Variants in NAF1 observed in about 807,000 individuals in gnomAD.
NAF1 encodes the protein nuclear assembly factor 1 ribonucleoprotein.
In NAF1, 11 loss-of-function variants were observed where a neutral mutation model predicts 40.6. The ratio of observed to expected loss-of-function variants is 0.27; its 90% confidence interval spans 0.17 to 0.45. NAF1 has a LOEUF of 0.45. NAF1 is among the 20% of genes least tolerant of loss of function. The pLI is 1.00. For missense variants in NAF1, 607 were observed against 611.1 expected, an observed-to-expected ratio of 0.99 and a Z score of 0.07; for synonymous variants, 260 against 228.5, an observed-to-expected ratio of 1.14 and a Z score of -1.24.
chr4:163,121,584 A>C (rs571190042), intron 2 of NAF1, among the ~76,000 whole-genome samples: 1 of 152,274 alleles, frequency 6.6e-6, no homozygotes, highest in African/African-American at 2.4e-5. Flanking sequence ...GACCTCAGAG[A>C]TTATTATTGG....
intron 7 of NAF1, 97 bp from the exon 8 acceptor site, chr4:163,129,445 A>G: frequency 2.4e-6 from 3 of 1,255,308 alleles, no homozygotes; most frequent in Non-Finnish European, 3.3e-6. Flanking sequence ...ATTATCCAGT[A>G]TATCTTGTGG....
rs148894213 is a variant in NAF1, at chr4:163,121,122, C to A, written c.115-10832G>T. Among the ~76,000 whole-genome samples, 799 of 152,206 alleles carry A rather than the reference C, an allele frequency of 5.2e-3. 8 individuals are homozygous for A. The highest frequency in any genetic ancestry group is 0.018 in the African/African-American group (741 of 41,522). ...GCCAGGCTGGTCTCGAACTCCTGAC[C>A]TCAAGTGATCTGCCTGCCTCAGCCT... On this transcript the variant is annotated intron_variant, in intron 2 of 2. Coordinates refer to the NAF1 transcript ENST00000509434.
In NAF1 at chr4:163,166,880, C is replaced by A. The variant is rs192086782; in HGVS notation, c.-153G>T. 8.9e-4 allele frequency: 887 copies of A among 995,664 alleles called. 18 individuals are homozygous for A. In the Admixed American group the frequency reaches 0.024, roughly 26 times the overall value. 61.7% of individuals were successfully genotyped at this position (995,664 alleles called of 1,614,324 possible). On this transcript the variant is annotated 5_prime_UTR_variant, in exon 1 of 8. Coordinates refer to ENST00000274054, the MANE Select transcript of NAF1 (RefSeq NM_138386.3). ...TCTCAGGTAACTACACGCGGAGGAGCCAAAAGACACGCCCCCGCCATTTAC... is the reference window on the plus strand; with the variant it reads ...TCTCAGGTAACTACACGCGGAGGAGACAAAAGACACGCCCCCGCCATTTAC...
downstream of NAF1, among the ~76,000 whole-genome samples, chr4:163,109,579 T>C (rs1023529995): frequency 7.9e-5 from 12 of 152,200 alleles, no homozygotes; most frequent in African/African-American, 2.9e-4. Flanking sequence ...AAAGCATTTT[T>C]CTATTAGTTA....
At chr4:163,153,753 T>C (rs1202121976) in intron 2 of NAF1, among the ~76,000 whole-genome samples, 2 of 152,132 alleles carry the variant, frequency 1.3e-5, no homozygotes, top group Admixed American at 6.5e-5. Flanking sequence ...CAGCAGGATG[T>C]GGGTGGGGCC....
At chr4:163,120,512 G>A (rs1300539035) in intron 2 of NAF1, among the ~76,000 whole-genome samples, 1 of 152,120 alleles carries the variant, frequency 6.6e-6, no homozygotes, top group Non-Finnish European at 1.5e-5. Flanking sequence ...ATGGAGTAAT[G>A]GAACTAACTG....
At chr4:163,164,699 T>C (rs928629225) in intron 1 of NAF1, among the ~76,000 whole-genome samples, 1 of 152,204 alleles carries the variant, frequency 6.6e-6, no homozygotes, top group Non-Finnish European at 1.5e-5. Context: ...ATCATACACC[T>C]GTCTGAATAT....
chr4:163,157,949 T>C (rs1732055954), intron 2 of NAF1, among the ~76,000 whole-genome samples: 1 of 152,098 alleles, frequency 6.6e-6, no homozygotes, highest in African/African-American at 2.4e-5. Context: ...TTTTCAAGCA[T>C]TTGTGAAGGC....
chr4:163,140,344 C>T lies in NAF1; in HGVS notation c.757G>A (p.Val253Met). The change falls in exon 5 of 8, where the codon GTG becomes ATG. Residue 253 changes from valine to methionine, a missense_variant. Physicochemically the swap from Val to Met is conservative, Grantham distance 21 (BLOSUM62 1). Around this residue, in one of 3 missense-constraint regions of NAF1, gnomAD observed 407 missense variants for 365.5 expected, o/e 1.11. Coordinates refer to ENST00000274054, the MANE Select transcript of NAF1 (RefSeq NM_138386.3). ...IFGPVAHPFY[V>M]LRFNSSDHIE... ...TGATCTGAAGAATTAAACCGTAACA[C>T]ATAAAATGGATGTGCAACAGGTCCA... 6.2e-7 allele frequency: 1 copy of T among 1,607,732 alleles called. No individual in the cohort carries two copies. Among genetic ancestry groups the T allele is most frequent in the East Asian group, 2.2e-5 (1 of 44,472 alleles).
intron 2 of NAF1, among the ~76,000 whole-genome samples, chr4:163,163,261 T>G (rs1432999740): frequency 6.6e-6 from 1 of 152,132 alleles, no homozygotes; most frequent in African/African-American, 2.4e-5. Context: ...GGTCTTCAAG[T>G]TATAAAGCAT....
At chr4:163,163,508 T>G (rs1732313662) in intron 2 of NAF1, among the ~76,000 whole-genome samples, 1 of 152,106 alleles carries the variant, frequency 6.6e-6, no homozygotes, top group Non-Finnish European at 1.5e-5. Flanking sequence ...AAAAACAATG[T>G]GATAATATGG....
the NAF1 span, among the ~76,000 whole-genome samples, chr4:163,103,988 G>C: frequency 1.3e-5 from 2 of 152,130 alleles, no homozygotes. Context: ...CAAAAAGAGA[G>C]TCAGAGAAGG....
intron 2 of NAF1, chr4:163,110,384 GTAT>G (rs1268937676): frequency 1.5e-6 from 1 of 648,904 alleles, no homozygotes; most frequent in Admixed American, 2.4e-5. Flanking sequence ...TTGTCCTATT[GTAT>G]TATTAGTTGT....
chr4:163,153,124 T>C (rs1482997596), intron 2 of NAF1, among the ~76,000 whole-genome samples: 2 of 152,190 alleles, frequency 1.3e-5, no homozygotes, highest in South Asian at 2.1e-4. Context: ...TGCCTGAGCC[T>C]TCCCCCGCCT....
intron 5 of NAF1, among the ~76,000 whole-genome samples, chr4:163,138,430 C>T (rs778472847): frequency 2.6e-5 from 4 of 151,964 alleles, no homozygotes; most frequent in Non-Finnish European, 4.4e-5. Context: ...CCAACTAGTG[C>T]GTCTATTACA....
At chr4:163,111,400 C>A (rs914228229) in intron 2 of NAF1, among the ~76,000 whole-genome samples, 10 of 152,092 alleles carry the variant, frequency 6.6e-5, no homozygotes, top group African/African-American at 2.4e-4. Flanking sequence ...AATATACAAT[C>A]CTTATTGTTC....
At chr4:163,161,491 A>C (rs1421394620) in intron 2 of NAF1, among the ~76,000 whole-genome samples, 3 of 151,948 alleles carry the variant, frequency 2.0e-5, no homozygotes, top group Non-Finnish European at 4.4e-5. Context: ...AAAAAAAAAA[A>C]CCAAAAAACA....
At chr4:163,166,255 C>G in intron 1 of NAF1, 108 bp downstream of exon 1, 2 of 1,381,492 alleles carry the variant, frequency 1.4e-6, no homozygotes, top group Non-Finnish European at 1.9e-6. Context: ...AACGACCTGC[C>G]CACCCTCCAG....
intron 4 of NAF1, chr4:163,141,973 A>G (rs929581885): frequency 1.0e-6 from 1 of 956,412 alleles, no homozygotes; most frequent in African/African-American, 1.8e-5. Context: ...TACTCTAAAA[A>G]GAAGTAGTGA....
Sources: allele counts gnomAD v4.1 joint callset (sites outside exome capture counted in the v4.1 genomes callset), GRCh38; gene constraint gnomAD v4.1.1; regional missense constraint gnomAD v4.1.1; transcripts MANE v1.5; gene names NCBI Gene and HGNC (gene_info 2026-07-23, HGNC 2026-07-21).